The following SERINC3 variants were observed in gnomAD, a reference collection of about 807,000 sequenced individuals.
SERINC3 encodes tumor differentially expressed protein 1.
A neutral mutation model predicts 52.1 loss-of-function variants in SERINC3; 22 were observed. The ratio of observed to expected loss-of-function variants is 0.42; its 90% CI spans 0.30 to 0.60. The LOEUF (loss-of-function observed/expected upper bound fraction) is 0.60. SERINC3 is among the 20% of genes least tolerant of loss of function. SERINC3 has a pLI of 0.16. For missense variants in SERINC3, 564 were observed against 584.6 expected (o/e 0.96, Z 0.36); for synonymous variants, 226 against 212.7 (o/e 1.06, Z -0.54).
chr20:44,506,008 G>T (rs1357155882), intron 6 of SERINC3, among the ~76,000 whole-genome samples: 1 of 152,028 alleles, frequency 6.6e-6, no homozygotes, highest in African/African-American at 2.4e-5. Flanking sequence ...TGACTCATAA[G>T]AATCATTCCC....
chr20:44,503,088 C>A (rs376650194), intron 8 of SERINC3, among the ~76,000 whole-genome samples: 1 of 152,036 alleles, frequency 6.6e-6, no homozygotes, highest in African/African-American at 2.4e-5. Context: ...AAATTAAAGA[C>A]CTAAATAAAT....
At chr20:44,505,244 T>C (rs6017355) in intron 6 of SERINC3, among the ~76,000 whole-genome samples, 11,258 of 152,336 alleles carry the variant, frequency 0.074, 450 homozygotes, top group South Asian at 0.14. Flanking sequence ...TTCTGTTTTC[T>C]CACTTTTAAA....
Position 44,498,000 on chromosome 20 carries a change from C to T in SERINC3, c.*2296G>A, listed in dbSNP as rs924705036. 6.6e-6 allele frequency: 1 copy of T among 152,222 alleles called. No homozygotes were observed. Among genetic ancestry groups the T allele is most frequent in the African/African-American group, 2.4e-5 (1 of 41,456 alleles). The allele number at this position is 152,222 out of a possible 1,614,324, so 9.4% of individuals were successfully genotyped here. A position where few individuals can be genotyped will look rare whatever the true frequency, so the allele number is the denominator to read the frequency against. Reference sequence around the variant, plus strand: ...TACACTAGGCACCAACACTGAGGCTCAGCTGCCTGTGGTCATAAATCAAAT... The same window carrying T: ...TACACTAGGCACCAACACTGAGGCTTAGCTGCCTGTGGTCATAAATCAAAT... On this transcript the variant is annotated 3_prime_UTR_variant, in exon 10 of 10. Transcript: ENST00000342374.
intron 8 of SERINC3, among the ~76,000 whole-genome samples, chr20:44,502,706 G>A (rs2064287661): frequency 6.6e-6 from 1 of 151,974 alleles, no homozygotes; most frequent in South Asian, 2.1e-4. Context: ...TGACCTCCTG[G>A]GCTCAATTGG....
In SERINC3 at chr20:44,504,014, G is replaced by A; in HGVS notation, c.875-19C>T. The A allele has an allele frequency of 6.4e-7, 1 of 1,567,872 alleles. No homozygotes were observed. Among genetic ancestry groups the A allele is most frequent in the Non-Finnish European group, 8.6e-7 (1 of 1,165,186 alleles). On this transcript the variant is annotated intron_variant, in intron 7 of 9. Transcript: ENST00000342374. ...GAACGATCTGAAAATGAGAAAATTT[G>A]TATTATCCTTGGTTACAGCTCATCT... is the stretch of plus-strand genomic sequence containing the variant.
rs1318188397 is a variant in SERINC3 at position 44,503,807 on chromosome 20, T to C, written c.1055+8A>G. ...TGAAAATCTTGTTCTAAGTACCTTT[T>C]AACTTACCTAGAATACAAGAGGCAG... is the stretch of plus-strand genomic sequence containing the variant. On this transcript the variant is annotated splice_region_variant and intron_variant, in intron 8 of 9. Coordinates refer to ENST00000342374, the MANE Select transcript of SERINC3 (RefSeq NM_006811.4). 1 of 1,524,020 alleles carries C rather than the reference T, an allele frequency of 6.6e-7. No homozygotes were observed. Among genetic ancestry groups the C allele is most frequent in the Non-Finnish European group, 8.7e-7 (1 of 1,143,272 alleles). 94.4% of individuals were successfully genotyped at this position (1,524,020 alleles called of 1,614,324 possible).
intron 1 of SERINC3, among the ~76,000 whole-genome samples, chr20:44,514,924 T>C (rs961595635): frequency 1.3e-5 from 2 of 152,174 alleles, no homozygotes; most frequent in Non-Finnish European, 1.5e-5. Context: ...CCGACCCCAA[T>C]AGCTGTTTTG....
chr20:44,512,596 A>G (rs2064355250), intron 3 of SERINC3, among the ~76,000 whole-genome samples: 1 of 152,180 alleles, frequency 6.6e-6, no homozygotes, highest in South Asian at 2.1e-4. Context: ...AGAAAATAAA[A>G]AGACAAGACC....
intron 1 of SERINC3, among the ~76,000 whole-genome samples, chr20:44,516,437 G>C (rs890705281): frequency 1.3e-5 from 2 of 151,446 alleles, no homozygotes; most frequent in African/African-American, 4.9e-5. Context: ...CTGTCTCCCA[G>C]GCTGGAGTGC....
chr20:44,519,340 C>A, intron 1 of SERINC3: 1 of 748,402 alleles, frequency 1.3e-6, no homozygotes, highest in Non-Finnish European at 1.6e-6. Flanking sequence ...GGGAGGCCGG[C>A]GGATCACGAG....
rs370363349 is a variant in SERINC3, at chr20:44,510,048, A to G, written c.476-20T>C. 1.2e-6 allele frequency: 2 copies of G among 1,612,400 alleles called. No homozygotes were observed. The highest frequency in any genetic ancestry group is 1.1e-5 in the South Asian group (1 of 91,012). On this transcript the variant is annotated intron_variant, in intron 4 of 9. Transcript: ENST00000342374. ...ACCAGACTACAAGAACCAAGAGAACAAAGTTATTCTCTACCATAGAGTAAC... is the reference window on the plus strand; with the variant it reads ...ACCAGACTACAAGAACCAAGAGAACGAAGTTATTCTCTACCATAGAGTAAC...
At chr20:44,505,269 C>T (rs1166871331) in intron 6 of SERINC3, among the ~76,000 whole-genome samples, 1 of 152,114 alleles carries the variant, frequency 6.6e-6, no homozygotes, top group Admixed American at 6.5e-5. Flanking sequence ...AAGGTGATGT[C>T]TAGATAGAAT....
chr20:44,501,349 G>C (rs1429329911), intron 8 of SERINC3, 49 bp from the exon 9 acceptor site: 1 of 1,470,774 alleles, frequency 6.8e-7, no homozygotes, highest in Admixed American at 1.7e-5. Context: ...CCATGACAAT[G>C]AACTGCTGCC....
chr20:44,498,656 A>T lies in SERINC3; in HGVS notation c.*1640T>A, dbSNP rs1172565383. 1.3e-5 allele frequency: 2 copies of T among 152,058 alleles called. No individual in the cohort carries two copies. Among genetic ancestry groups the T allele is most frequent in the African/African-American group, 4.8e-5 (2 of 41,380 alleles). 9.4% of individuals were successfully genotyped at this position (152,058 alleles called of 1,614,324 possible). A position where few individuals can be genotyped will look rare whatever the true frequency, so the allele number is the denominator to read the frequency against. On this transcript the variant is annotated 3_prime_UTR_variant, in exon 10 of 10. Transcript: ENST00000342374. ...CTGTCAATTTCTCCCCGTCCCTACG[A>T]TTCCACTTCTCTATTTCACATCTCA...
chr20:44,515,650 C>T (rs954399696), intron 1 of SERINC3, among the ~76,000 whole-genome samples: 1 of 151,156 alleles, frequency 6.6e-6, no homozygotes, highest in Non-Finnish European at 1.5e-5. Flanking sequence ...CCACTATACG[C>T]TTTTTTATTT....
rs771366922 is a variant in SERINC3 at position 44,500,297 on chromosome 20, C to G, written c.1421G>C (p.Ter474SerextTer51). ...GTGGTGTCCTTGGCACTCAGAGGTT[C>G]AGCTGAAGTCCCGACTGGTGAGGAC... Reference protein sequence around the residue: ...PLVLTSRDFS* With the variant: ...PLVLTSRDFSS The change falls in exon 10 of 10, where the codon TGA becomes TCA. Residue 474 changes from the stop codon to serine (S), a stop_lost. Coordinates refer to ENST00000342374, the MANE Select transcript of SERINC3 (RefSeq NM_006811.4). The G allele has an allele frequency of 3.1e-6, 5 of 1,611,342 alleles. No individual in the cohort carries two copies. Among genetic ancestry groups the G allele is most frequent in the Non-Finnish European group, 4.2e-6 (5 of 1,178,880 alleles).
At position 44,503,895 on chromosome 20, in the gene SERINC3, T is replaced by C. The variant is rs760011937; in HGVS notation, c.975A>G (p.Pro325=). ...NSTAVVPTPT[P]PSKSGSLLDS... is the part of the protein sequence containing the mutation. ...CCAGTAAAGACCCACTCTTTGATGG[T>C]GGAGTAGGGGTAGGGACCACAGCAG... The change falls in exon 8 of 10, where the codon CCA becomes CCG. Residue 325 remains proline (P), a synonymous_variant. Transcript: ENST00000342374. 10 of 1,604,138 alleles carry C rather than the reference T, an allele frequency of 6.2e-6. No individual in the cohort carries two copies. Among genetic ancestry groups the C allele is most frequent in the Non-Finnish European group, 8.5e-6 (10 of 1,176,582 alleles).
rs775076986 is a variant in SERINC3, at chr20:44,521,905, G to A, written c.39+8C>T. ...AGGTCCGGCGAGGACTCGGGACCCC[G>A]AACTCACCCAGCTGGCGAGGGAGAA... On this transcript the variant is annotated splice_region_variant and intron_variant, in intron 1 of 9. Transcript: ENST00000342374. The A allele has an allele frequency of 1.2e-6, 2 of 1,608,178 alleles. No homozygotes were observed. Among genetic ancestry groups the A allele is most frequent in the Non-Finnish European group, 1.7e-6 (2 of 1,177,638 alleles).
Position 44,501,294 on chromosome 20 carries a change from G to A in SERINC3, c.1062C>T (p.Arg354=). The change falls in exon 9 of 10, where the codon CGC becomes CGT. Residue 354 remains arginine, a synonymous_variant. Transcript: ENST00000342374. ...TGTCTACTTGGCTATTAGTGGAAGT[G>A]CGGATGCTGGAAAGTGATCCCAAGG... ...FVLCLLYSSI[R]TSTNSQVDKL... is the part of the protein sequence containing the mutation. 6.2e-7 allele frequency: 1 copy of A among 1,613,854 alleles called. No individual in the cohort carries two copies. The highest frequency in any genetic ancestry group is 8.5e-7 in the Non-Finnish European group (1 of 1,179,838).
Sources: gnomAD v4.1 joint callset for allele counts (sites outside exome capture counted in the v4.1 genomes callset) on GRCh38, gnomAD v4.1.1 for gene constraint, MANE v1.5 for transcripts, NCBI Gene and HGNC (gene_info 2026-07-23, HGNC 2026-07-21) for gene names.